Variants in XXYLT1 observed in about 807,000 individuals in gnomAD.
XXYLT1 encodes UDP-xylose:alpha-xyloside alpha-1,3-xylosyltransferase.
XXYLT1 carries 20 observed loss-of-function variants against 28.9 expected under a neutral mutation model. That is an observed-to-expected ratio of 0.69 (90% CI 0.49 to 1.00). XXYLT1 has a LOEUF of 1.00. Among genes scored for constraint, XXYLT1 ranks in the 50% least tolerant of loss-of-function variants. The pLI, the probability that XXYLT1 is intolerant of heterozygous loss-of-function variation, is 0.00. For synonymous variants in XXYLT1, 257 were observed against 253.8 expected (o/e 1.01, Z -0.12); for missense variants, 542 against 560.1 (o/e 0.97, Z 0.33).
At position 195,150,239 on chromosome 3, in the gene XXYLT1, C is replaced by T. The variant is rs1008004936; in HGVS notation, c.785+6210G>A. On this transcript the variant is annotated intron_variant, in intron 3 of 3. Transcript: ENST00000310380. This position sits in a 1 kb window ranked among gnomAD's most constrained non-coding sequence, Gnocchi z 4.7. ...ACTCTGCCACATATAGTGTTATAAT[C>T]TCCATTTCTCATGAGCTAAAGAGAC... Among the ~76,000 whole-genome samples the T allele has an allele frequency of 6.6e-6, 1 of 152,212 alleles. No homozygotes were observed. The highest frequency in any genetic ancestry group is 1.5e-5 in the Non-Finnish European group (1 of 68,044).
chr3:195,201,155 T>C (rs974890015), intron 2 of XXYLT1, among the ~76,000 whole-genome samples: 1 of 152,208 alleles, frequency 6.6e-6, no homozygotes, highest in African/African-American at 2.4e-5. Context: ...CTGGCCTGGA[T>C]AACCACAAGC....
intron 3 of XXYLT1, among the ~76,000 whole-genome samples, chr3:195,100,639 G>A (rs543442078): frequency 1.3e-5 from 2 of 152,046 alleles, no homozygotes; most frequent in African/African-American, 4.8e-5. Flanking sequence ...AAGTTCCTGG[G>A]CCTACACACG....
chr3:195,182,477 A>C (rs560926247), intron 2 of XXYLT1, among the ~76,000 whole-genome samples: 54 of 152,350 alleles, frequency 3.5e-4, no homozygotes, highest in African/African-American at 1.1e-3. Context: ...TAAATCAATT[A>C]GTCCTATATG....
intron 3 of XXYLT1, among the ~76,000 whole-genome samples, chr3:195,120,771 G>T (rs1409039383): frequency 1.3e-5 from 2 of 152,194 alleles, no homozygotes. Flanking sequence ...GCGGGGTCCC[G>T]GAGGGGAAGA....
Position 195,257,638 on chromosome 3 carries a change from C to T in XXYLT1, c.504+12917G>A, listed in dbSNP as rs74461451. 0.027 allele frequency among the ~76,000 whole-genome samples: 4,135 copies of T among 152,148 alleles called. 189 individuals carry two copies. The highest frequency in any genetic ancestry group is 0.093 in the African/African-American group (3,843 of 41,478). On this transcript the variant is annotated intron_variant, in intron 1 of 3. Coordinates refer to ENST00000310380, the MANE Select transcript of XXYLT1 (RefSeq NM_152531.5). This position sits in a 1 kb window ranked among gnomAD's most constrained non-coding sequence, Gnocchi z 4.3. ...ATCCTGGCTGGGCCGGCACGGGCCCCGTAGCTCTCCCTGTGGCTCCCGCTC... is the reference window on the plus strand; with the variant it reads ...ATCCTGGCTGGGCCGGCACGGGCCCTGTAGCTCTCCCTGTGGCTCCCGCTC...
In XXYLT1 at chr3:195,184,360, T is replaced by C. The variant is rs115175176; in HGVS notation, c.653-27779A>G. ...ATATGTGGAGCTCTCCATACCTCAG[T>C]TGACCTCCTTTTGGATTTCAAGCTG... On this transcript the variant is annotated intron_variant, in intron 2 of 3. Transcript: ENST00000310380. 4.7e-3 allele frequency among the ~76,000 whole-genome samples: 716 copies of C among 152,348 alleles called. 5 individuals are homozygous for C. The highest frequency in any genetic ancestry group is 0.016 in the African/African-American group (685 of 41,586).
intron 2 of XXYLT1, among the ~76,000 whole-genome samples, chr3:195,182,347 C>T (rs6766204): frequency 0.047 from 7,122 of 152,226 alleles, 587 homozygotes; most frequent in African/African-American, 0.16. Context: ...TATTACCTGA[C>T]GAGGACAACT....
At chr3:195,094,332 GCT>G (rs1716294681) in intron 3 of XXYLT1, 1 of 154,130 alleles carries the variant, frequency 6.5e-6, no homozygotes, top group Non-Finnish European at 1.5e-5. Context: ...ACGCTTCCCT[GCT>G]CTCTTGGGGC....
At chr3:195,220,641 A>G (rs1723784826) in intron 2 of XXYLT1, among the ~76,000 whole-genome samples, 1 of 152,070 alleles carries the variant, frequency 6.6e-6, no homozygotes, top group Admixed American at 6.6e-5. Flanking sequence ...TGCTCCCTAC[A>G]CTGGACATTA....
chr3:195,165,486 T>TCATCGG (rs1721074571), intron 2 of XXYLT1, among the ~76,000 whole-genome samples: 1 of 152,158 alleles, frequency 6.6e-6, no homozygotes, highest in African/African-American at 2.4e-5. Context: ...TGGCCCCACA[T>TCATCGG]CATCCCTTGT....
intron 3 of XXYLT1, among the ~76,000 whole-genome samples, chr3:195,136,112 G>A (rs1035868986): frequency 9.9e-5 from 15 of 152,134 alleles, no homozygotes; most frequent in Admixed American, 3.3e-4. Flanking sequence ...CACCAGGGCC[G>A]TCACCATGCT....
chr3:195,228,583 G>T lies in XXYLT1; in HGVS notation c.505-1727C>A, dbSNP rs1335906497. On this transcript the variant is annotated intron_variant, in intron 1 of 3. Transcript: ENST00000310380. ...CTGGGCTCACTGACACCGCCTCCCG[G>T]GTTCAAGCGATTCTCCTGCCTCAGC... Among the ~76,000 whole-genome samples the T allele has an allele frequency of 8.0e-5, 12 of 149,974 alleles. No homozygotes were observed. In the Admixed American group the frequency reaches 8.1e-4, roughly 10 times the overall value.
At position 195,068,595 on chromosome 3, in the gene XXYLT1, T is replaced by TG. The variant is rs1462242021; in HGVS notation, c.*1119_*1120insC. ...TGGGTTCCTTTTTGGTTTTTTTTTT[T>TG]TTTTTGAGATGGACGTCTCACTCTG... is the stretch of plus-strand genomic sequence containing the variant. On this transcript the variant is annotated 3_prime_UTR_variant, in exon 4 of 4. Transcript: ENST00000310380. The TG allele has an allele frequency of 4.6e-5, 7 of 151,378 alleles. No individual in the cohort carries two copies. The highest frequency in any genetic ancestry group is 7.4e-5 in the Non-Finnish European group (5 of 67,798). 9.4% of individuals were successfully genotyped at this position (151,378 alleles called of 1,614,324 possible).
Position 195,210,026 on chromosome 3 carries a change from C to G in XXYLT1, c.652+16683G>C, listed in dbSNP as rs1723243406. ...TTGGCAAACACACCAGAGGGACACA[C>G]AGGGATCTGACACCATCTGGGCAGC... On this transcript the variant is annotated intron_variant, in intron 2 of 3. Coordinates refer to ENST00000310380, the MANE Select transcript of XXYLT1 (RefSeq NM_152531.5). The surrounding 1 kb of genome is among the most constrained non-coding windows in gnomAD (Gnocchi z 4.8). Among the ~76,000 whole-genome samples, 1 of 147,704 alleles carries G rather than the reference C, an allele frequency of 6.8e-6. No individual in the cohort carries two copies. The highest frequency in any genetic ancestry group is 6.6e-5 in the Admixed American group (1 of 15,060).
chr3:195,192,228 A>G lies in XXYLT1; in HGVS notation c.652+34481T>C, dbSNP rs151285373. Reference sequence around the variant, plus strand: ...ACTTCAGATCAGGAGTTTGAGACCAACCTGGCCAACATGGTGAAACCCGGC... The same window carrying G: ...ACTTCAGATCAGGAGTTTGAGACCAGCCTGGCCAACATGGTGAAACCCGGC... On this transcript the variant is annotated intron_variant, in intron 2 of 3. Transcript: ENST00000310380. 3.5e-3 allele frequency among the ~76,000 whole-genome samples: 532 copies of G among 152,170 alleles called. 2 individuals are homozygous for G. The highest frequency in any genetic ancestry group is 0.012 in the African/African-American group (497 of 41,496).
intron 3 of XXYLT1, among the ~76,000 whole-genome samples, chr3:195,086,485 T>C (rs901028629): frequency 1.3e-5 from 2 of 152,190 alleles, no homozygotes; most frequent in Non-Finnish European, 2.9e-5. Context: ...GAGAAGTCTA[T>C]CCAGTTGTAT....
intron 2 of XXYLT1, among the ~76,000 whole-genome samples, chr3:195,160,294 G>A (rs1487352733): frequency 1.3e-5 from 2 of 152,218 alleles, no homozygotes; most frequent in African/African-American, 4.8e-5. Flanking sequence ...TCAGGGAGGG[G>A]CAGGTGAACC....
At chr3:195,211,786 T>A (rs1334966899) in intron 2 of XXYLT1, among the ~76,000 whole-genome samples, 1 of 150,480 alleles carries the variant, frequency 6.6e-6, no homozygotes, top group Non-Finnish European at 1.5e-5. Context: ...TGCACAAAGA[T>A]CTGGAGGAGG....
rs1197286583 is a variant in XXYLT1 at position 195,210,949 on chromosome 3, T to C, written c.652+15760A>G. 6.6e-6 allele frequency among the ~76,000 whole-genome samples: 1 copy of C among 152,084 alleles called. No individual in the cohort carries two copies. Among genetic ancestry groups the C allele is most frequent in the Non-Finnish European group, 1.5e-5 (1 of 68,000 alleles). On this transcript the variant is annotated intron_variant, in intron 2 of 3. Transcript: ENST00000310380. This position sits in a 1 kb window ranked among gnomAD's most constrained non-coding sequence, Gnocchi z 4.8. ...GCACCCGCCACAGCAGGAATCAGAG[T>C]TCTCCAGGCTTGGGGAACCATCAAG...
Sources: gnomAD v4.1 joint callset for allele counts (sites outside exome capture counted in the v4.1 genomes callset) on GRCh38, gnomAD v4.1.1 for gene constraint, Gnocchi (gnomAD v3.1) non-coding constraint, MANE v1.5 for transcripts, NCBI Gene and HGNC (gene_info 2026-07-23, HGNC 2026-07-21) for gene names.